SNTG1: variants seen among roughly 807,000 people sequenced by gnomAD.
SNTG1 encodes the protein syntrophin gamma 1, also known as gamma-1-syntrophin.
In SNTG1, 39 loss-of-function variants were observed where a neutral mutation model predicts 74.7. That is an observed-to-expected ratio of 0.52 (90% CI 0.40 to 0.68). The LOEUF (loss-of-function observed/expected upper bound fraction) is 0.68, where lower values mean the gene tolerates loss of function less well. Among genes scored for constraint, SNTG1 ranks in the 30% least tolerant of loss-of-function variants. The probability of loss-of-function intolerance (pLI) is 0.00; values close to 1 mark genes in which losing one functional copy is unlikely to be tolerated. For missense variants in SNTG1, 685 were observed against 609.5 expected, an observed-to-expected ratio of 1.12 and a Z score of -1.30; for synonymous variants, 254 against 217.1, an observed-to-expected ratio of 1.17 and a Z score of -1.49.
At chr8:50,332,573 T>C (rs1476488394) in intron 2 of SNTG1, among the ~76,000 whole-genome samples, 1 of 152,190 alleles carries the variant, frequency 6.6e-6, no homozygotes, top group African/African-American at 2.4e-5. Context: ...AACATCTGCA[T>C]GCTTACTTAA....
At chr8:50,083,172 C>T (rs1822568780) in intron 1 of SNTG1, among the ~76,000 whole-genome samples, 1 of 152,112 alleles carries the variant, frequency 6.6e-6, no homozygotes, top group Non-Finnish European at 1.5e-5. Context: ...AGCTGAAATT[C>T]AGTAGTCTCA....
chr8:50,121,023 A>G (rs2080982141), intron 1 of SNTG1, among the ~76,000 whole-genome samples: 1 of 142,052 alleles, frequency 7.0e-6, no homozygotes, highest in Non-Finnish European at 1.6e-5. Flanking sequence ...TATCATATCA[A>G]GACACTGAAA....
In SNTG1 at chr8:49,955,775, G is replaced by T. The variant is rs536424815; in HGVS notation, c.-103+43544G>T. Among the ~76,000 whole-genome samples the T allele has an allele frequency of 2.6e-5, 4 of 152,236 alleles. No individual in the cohort carries two copies. The South Asian group carries it at 6.2e-4, about 24-fold the overall frequency. On this transcript the variant is annotated intron_variant, in intron 1 of 18. Coordinates refer to ENST00000642720, the MANE Select transcript of SNTG1 (RefSeq NM_018967.5). ...CTGTGGTGGCCCACGCTGCAAAACTGCATTGTCACACATGAAAAGGGCTCT... is the reference window on the plus strand; with the variant it reads ...CTGTGGTGGCCCACGCTGCAAAACTTCATTGTCACACATGAAAAGGGCTCT...
intron 1 of SNTG1, among the ~76,000 whole-genome samples, chr8:50,093,839 G>A (rs1231397939): frequency 6.6e-6 from 1 of 152,150 alleles, no homozygotes; most frequent in African/African-American, 2.4e-5. Flanking sequence ...ACATGGGATA[G>A]GAAGATGAAT....
At chr8:50,508,851 T>G (rs1215455012) in intron 9 of SNTG1, among the ~76,000 whole-genome samples, 14 of 152,154 alleles carry the variant, frequency 9.2e-5, no homozygotes, top group Admixed American at 9.2e-4. Context: ...TTGCAAAAAT[T>G]TTCTCCCCTT....
At chr8:50,238,068 C>A (rs2085996905) in intron 2 of SNTG1, among the ~76,000 whole-genome samples, 3 of 152,176 alleles carry the variant, frequency 2.0e-5, no homozygotes, top group African/African-American at 7.2e-5. Context: ...GGCCCTACTG[C>A]CCAAAGCAGT....
intron 1 of SNTG1, among the ~76,000 whole-genome samples, chr8:49,928,078 G>A (rs754901344): frequency 6.0e-5 from 9 of 149,986 alleles, no homozygotes; most frequent in Non-Finnish European, 8.9e-5. Flanking sequence ...GTAGTGAGCC[G>A]AGATCACACC....
intron 17 of SNTG1, among the ~76,000 whole-genome samples, chr8:50,722,271 T>A (rs2095489661): frequency 6.6e-6 from 1 of 151,266 alleles, no homozygotes; most frequent in Non-Finnish European, 1.5e-5. Flanking sequence ...ACCTCCCAGG[T>A]TCAAGCAATT....
At chr8:50,753,840 T>A (rs28630901) in intron 18 of SNTG1, among the ~76,000 whole-genome samples, 32,498 of 151,708 alleles carry the variant, frequency 0.21, 5,228 homozygotes, top group African/African-American at 0.46. Flanking sequence ...ATTTGGTGAG[T>A]TGTTGAAATT....
intron 2 of SNTG1, among the ~76,000 whole-genome samples, chr8:50,332,500 G>A (rs7357569): frequency 0.065 from 9,924 of 151,946 alleles, 353 homozygotes; most frequent in African/African-American, 0.072. Flanking sequence ...TCACTGAGGT[G>A]TGAATCAAGT....
At chr8:50,518,003 A>T (rs567051191) in intron 9 of SNTG1, among the ~76,000 whole-genome samples, 1 of 152,240 alleles carries the variant, frequency 6.6e-6, no homozygotes, top group Non-Finnish European at 1.5e-5. Context: ...CAGAATATAC[A>T]TTCTTCTTAG....
Position 50,758,115 on chromosome 8 carries a change from T to C in SNTG1, c.1395+6004T>C, listed in dbSNP as rs551164383. Among the ~76,000 whole-genome samples the C allele has an allele frequency of 2.6e-5, 4 of 152,064 alleles. 1 individual carries two copies. Among genetic ancestry groups the C allele is most frequent in the African/African-American group, 9.6e-5 (4 of 41,556 alleles). The stretch of plus-strand genomic sequence containing the variant: ...TCATTTGTTTCTCTTTTTTAGAATT[T>C]GCATTTTCTGCATACATTGCTTATT... On this transcript the variant is annotated intron_variant, in intron 18 of 18. Coordinates refer to ENST00000642720, the MANE Select transcript of SNTG1 (RefSeq NM_018967.5).
At chr8:50,081,493 C>G (rs1822405108) in intron 1 of SNTG1, among the ~76,000 whole-genome samples, 1 of 151,968 alleles carries the variant, frequency 6.6e-6, no homozygotes, top group African/African-American at 2.4e-5. Flanking sequence ...TTATTTTTTC[C>G]TGTACTATTT....
intron 2 of SNTG1, among the ~76,000 whole-genome samples, chr8:50,225,554 T>C (rs1221836774): frequency 1.3e-5 from 2 of 152,188 alleles, no homozygotes; most frequent in South Asian, 2.1e-4. Context: ...CTAAAATGTA[T>C]AGAACCAAGC....
intron 15 of SNTG1, among the ~76,000 whole-genome samples, chr8:50,679,456 G>T (rs1241603939): frequency 6.6e-6 from 1 of 152,018 alleles, no homozygotes; most frequent in African/African-American, 2.4e-5. Context: ...GCCACATTAT[G>T]GGGTTACTAT....
chr8:50,203,869 G>C (rs1202139564), intron 2 of SNTG1, among the ~76,000 whole-genome samples: 1 of 151,922 alleles, frequency 6.6e-6, no homozygotes, highest in Non-Finnish European at 1.5e-5. Flanking sequence ...AACAATGTAG[G>C]ATGACTAGAA....
At chr8:50,100,679 T>G (rs1347119400) in intron 1 of SNTG1, among the ~76,000 whole-genome samples, 1 of 152,016 alleles carries the variant, frequency 6.6e-6, no homozygotes, top group African/African-American at 2.4e-5. Flanking sequence ...TTAATTAGAG[T>G]TTTATCTAGA....
chr8:49,918,910 AT>A (rs1473711299), intron 1 of SNTG1, among the ~76,000 whole-genome samples: 1 of 152,172 alleles, frequency 6.6e-6, no homozygotes, highest in African/African-American at 2.4e-5. Context: ...TAAATAAAAA[AT>A]ATATTTGCAA....
At chr8:50,691,575 T>C (rs2095379607) in intron 15 of SNTG1, among the ~76,000 whole-genome samples, 2 of 152,158 alleles carry the variant, frequency 1.3e-5, no homozygotes, top group East Asian at 1.9e-4. Context: ...TGAATATTGG[T>C]CCCCACTCTC....
Sources: allele counts gnomAD v4.1 joint callset (sites outside exome capture counted in the v4.1 genomes callset), GRCh38; gene constraint gnomAD v4.1.1; transcripts MANE v1.5; gene names NCBI Gene and HGNC (gene_info 2026-07-23, HGNC 2026-07-21).